The following ANKRD30A variants were observed in gnomAD, a reference collection of about 807,000 sequenced individuals.
ANKRD30A encodes the protein ankyrin repeat domain 30A, also known as ankyrin repeat domain-containing protein 30A.
Under a neutral mutation model 166.3 loss-of-function variants are expected in ANKRD30A, and 170 were observed. The ratio of observed to expected loss-of-function variants is 1.02; its 90% CI spans 0.90 to 1.16. ANKRD30A has a LOEUF of 1.16. Among genes scored for constraint, ANKRD30A ranks in the 50% most tolerant of loss-of-function variants. The probability of loss-of-function intolerance (pLI) is 0.00; values close to 1 mark genes in which losing one functional copy is unlikely to be tolerated. For missense variants in ANKRD30A, 1,630 were observed against 1,518.0 expected (o/e 1.07, Z -1.23); for synonymous variants, 564 against 508.9 (o/e 1.11, Z -1.46).
At chr10:37,208,830 T>C (rs541207540) in intron 31 of ANKRD30A, among the ~76,000 whole-genome samples, 1 of 152,240 alleles carries the variant, frequency 6.6e-6, no homozygotes, top group East Asian at 1.9e-4. Context: ...CTTTTCAGAT[T>C]GGAAAGATGA....
intron 15 of ANKRD30A, among the ~76,000 whole-genome samples, chr10:37,158,902 T>G (rs1191688010): frequency 6.6e-6 from 1 of 152,196 alleles, no homozygotes; most frequent in African/African-American, 2.4e-5. Context: ...ATATTTGCAG[T>G]GGTTCAAAGG....
intron 31 of ANKRD30A, among the ~76,000 whole-genome samples, chr10:37,215,374 A>G (rs552317531): frequency 2.0e-5 from 3 of 151,368 alleles, no homozygotes; most frequent in African/African-American, 7.2e-5. Context: ...CTCACATGCA[A>G]TCTTTATTAT....
At chr10:37,158,283 T>C in intron 13 of ANKRD30A, 109 bp from the exon 14 acceptor site, 1 of 1,463,160 alleles carries the variant, frequency 6.8e-7, no homozygotes, top group Non-Finnish European at 9.3e-7. Context: ...GTGTAATCCG[T>C]TTTGCAATCC....
intron 24 of ANKRD30A, among the ~76,000 whole-genome samples, chr10:37,179,038 A>ATATG (rs1839973914): frequency 1.4e-5 from 1 of 69,378 alleles, no homozygotes; most frequent in African/African-American, 3.8e-5. Context: ...ATATATATAT[A>ATATG]TATATATATA....
chr10:37,137,172 G>A (rs1164454231), intron 6 of ANKRD30A, among the ~76,000 whole-genome samples: 3 of 152,012 alleles, frequency 2.0e-5, no homozygotes, highest in Non-Finnish European at 4.4e-5. Flanking sequence ...TTATAAAGTA[G>A]CTTACATGCC....
chr10:37,195,596 T>C (rs1244946569), intron 27 of ANKRD30A, among the ~76,000 whole-genome samples: 3 of 152,304 alleles, frequency 2.0e-5, no homozygotes, highest in Non-Finnish European at 4.4e-5. Flanking sequence ...GTTACACATA[T>C]TTATTTAAAA....
At position 37,142,074 on chromosome 10, in the gene ANKRD30A, A is replaced by C. The variant is rs1266302278; in HGVS notation, c.1177A>C (p.Arg393=). 6.2e-7 allele frequency: 1 copy of C among 1,614,050 alleles called. No homozygotes were observed. Among genetic ancestry groups the C allele is most frequent in the Admixed American group, 1.7e-5 (1 of 60,010 alleles). The stretch of plus-strand genomic sequence containing the variant: ...ATGGGAGAAAAAAGAAGACACACCT[A>C]GGGAAATTATGAGTCCCGCAAAAGA... ...IAWEKKEDTP[R]EIMSPAKETS... is the part of the protein sequence containing the mutation. Residue 393 remains arginine (R), a synonymous_variant, in exon 7 of 36, where the codon AGG becomes CGG. Transcript: ENST00000361713.
chr10:37,141,959 A>C lies in ANKRD30A; in HGVS notation c.1062A>C (p.Ala354=), dbSNP rs759851482. 3 of 1,614,254 alleles carry C rather than the reference A, an allele frequency of 1.9e-6. No individual in the cohort carries two copies. Among genetic ancestry groups the C allele is most frequent in the Admixed American group, 1.7e-5 (1 of 60,030 alleles). The change falls in exon 7 of 36, where the codon GCA becomes GCC. Residue 354 remains alanine, a synonymous_variant. Transcript: ENST00000361713. ...CATCTGGAAAGTTCGAACAGTCAGC[A>C]GAAGAAACACCTAGGGAAATTACGA... ...KATSGKFEQS[A]EETPREITSP...
At chr10:37,197,654 C>T (rs1373124756) in intron 29 of ANKRD30A, among the ~76,000 whole-genome samples, 174 bp downstream of exon 29, 1 of 151,908 alleles carries the variant, frequency 6.6e-6, no homozygotes, top group African/African-American at 2.4e-5. Context: ...CAGTAATTTT[C>T]AATATTTTTT....
rs540963702 is a variant in ANKRD30A at position 37,196,940 on chromosome 10, A to G, written c.2615-341A>G. On this transcript the variant is annotated intron_variant, in intron 27 of 35. Transcript: ENST00000361713. Reference sequence around the variant, plus strand: ...CTATGTTAAAGAACAGGATGAATGGAATAATATAAGTGATTCTAATGTGTT... The same window carrying G: ...CTATGTTAAAGAACAGGATGAATGGGATAATATAAGTGATTCTAATGTGTT... 2.6e-4 allele frequency among the ~76,000 whole-genome samples: 39 copies of G among 152,292 alleles called. 1 individual carries two copies. The highest frequency in any genetic ancestry group is 8.7e-4 in the African/African-American group (36 of 41,556).
chr10:37,136,479 A>G, intron 5 of ANKRD30A, 128 bp from the exon 6 acceptor site: 1 of 474,762 alleles, frequency 2.1e-6, no homozygotes, highest in Non-Finnish European at 3.9e-6. Context: ...AGTCTATGGA[A>G]TAAGTAATGT....
At position 37,134,684 on chromosome 10, in the gene ANKRD30A, C is replaced by T. The variant is rs117181273; in HGVS notation, c.755+631C>T. 1.8e-4 allele frequency among the ~76,000 whole-genome samples: 28 copies of T among 152,304 alleles called. No homozygotes were observed. In the East Asian group the frequency reaches 3.9e-3, roughly 21 times the overall value. On this transcript the variant is annotated intron_variant, in intron 5 of 35. Transcript: ENST00000361713. ...GGCAGCTAGAACTTTTAGCTTTAGCCACACACGTAGTGAGCAAATTGACCC... is the reference window on the plus strand; with the variant it reads ...GGCAGCTAGAACTTTTAGCTTTAGCTACACACGTAGTGAGCAAATTGACCC...
intron 25 of ANKRD30A, among the ~76,000 whole-genome samples, chr10:37,190,261 A>T (rs1168055476): frequency 6.6e-6 from 1 of 151,852 alleles, no homozygotes; most frequent in Non-Finnish European, 1.5e-5. Flanking sequence ...CATTTTTAAA[A>T]AGTTCTCAGG....
intron 24 of ANKRD30A, chr10:37,177,823 TC>T: frequency 7.7e-7 from 1 of 1,292,272 alleles, no homozygotes; most frequent in Non-Finnish European, 1.1e-6. Context: ...AGGAAGGATA[TC>T]CTCTAGTAGC....
chr10:37,206,999 T>A (rs982466690), intron 31 of ANKRD30A, among the ~76,000 whole-genome samples: 2 of 152,174 alleles, frequency 1.3e-5, no homozygotes, highest in African/African-American at 4.8e-5. Flanking sequence ...TATTTCAATA[T>A]TGAAAGTTTT....
intron 24 of ANKRD30A, among the ~76,000 whole-genome samples, chr10:37,183,352 C>A (rs1305975149): frequency 6.9e-6 from 1 of 144,750 alleles, no homozygotes; most frequent in African/African-American, 2.5e-5. Context: ...ATTAGGCCCC[C>A]GGTGTATTTG....
At chr10:37,190,401 G>T (rs1588882658) in intron 25 of ANKRD30A, among the ~76,000 whole-genome samples, 2 of 151,810 alleles carry the variant, frequency 1.3e-5, no homozygotes, top group East Asian at 3.9e-4. Flanking sequence ...AAAGCATCAT[G>T]GTGCTCTTAA....
At chr10:37,165,275 T>G (rs1242419440) in intron 18 of ANKRD30A, 120 bp downstream of exon 18, 1 of 938,898 alleles carries the variant, frequency 1.1e-6, no homozygotes, top group African/African-American at 1.6e-5. Flanking sequence ...ATTTTTGATG[T>G]TTTTCAGTAT....
intron 25 of ANKRD30A, among the ~76,000 whole-genome samples, chr10:37,190,488 C>G (rs756474508): frequency 1.3e-5 from 2 of 151,888 alleles, no homozygotes; most frequent in South Asian, 4.2e-4. Flanking sequence ...GATACTACCA[C>G]TCCTCAAAGT....
Sources: gnomAD v4.1 joint callset for allele counts (sites outside exome capture counted in the v4.1 genomes callset) on GRCh38, gnomAD v4.1.1 for gene constraint, MANE v1.5 for transcripts, NCBI Gene and HGNC (gene_info 2026-07-23, HGNC 2026-07-21) for gene names.